COL22A1: variants seen among roughly 807,000 people sequenced by gnomAD.
The protein encoded by COL22A1 is collagen alpha-1(XXII) chain.
In COL22A1, 221 loss-of-function variants were observed where a neutral mutation model predicts 248.9. The observed-to-expected ratio is 0.89, with a 90% confidence interval of 0.80 to 0.99. The LOEUF (loss-of-function observed/expected upper bound fraction) is 0.99. Among genes scored for constraint, COL22A1 ranks in the 50% least tolerant of loss-of-function variants. COL22A1 has a pLI of 0.00. For synonymous variants in COL22A1, 891 were observed against 793.4 expected, an observed-to-expected ratio of 1.12 and a Z score of -2.07; for missense variants, 2,240 against 2,179.0, an observed-to-expected ratio of 1.03 and a Z score of -0.56.
At chr8:138,807,847 T>A in intron 9 of COL22A1, 35 bp from the exon 10 acceptor site, 1 of 1,609,806 alleles carries the variant, frequency 6.2e-7, no homozygotes, top group Non-Finnish European at 8.5e-7. Context: ...AGTAAGTTTC[T>A]ATTTTAATTT....
chr8:138,823,196 G>C (rs767834767), intron 6 of COL22A1, among the ~76,000 whole-genome samples: 1 of 152,136 alleles, frequency 6.6e-6, no homozygotes, highest in East Asian at 1.9e-4. Context: ...ATTGATCCAC[G>C]ATAATTTAAT....
At chr8:138,682,627 T>C (rs1305829285) in intron 39 of COL22A1, among the ~76,000 whole-genome samples, 1 of 152,206 alleles carries the variant, frequency 6.6e-6, no homozygotes, top group Non-Finnish European at 1.5e-5. Flanking sequence ...TTTTTCCCTG[T>C]TAATTCCCCT....
chr8:138,766,839 C>T (rs1383649120), intron 16 of COL22A1, among the ~76,000 whole-genome samples: 1 of 152,232 alleles, frequency 6.6e-6, no homozygotes, highest in East Asian at 1.9e-4. Context: ...CACACTAGGG[C>T]ACCCATGCCC....
At chr8:138,661,375 C>T (rs1187179254) in intron 43 of COL22A1, among the ~76,000 whole-genome samples, 3 of 152,188 alleles carry the variant, frequency 2.0e-5, no homozygotes, top group Non-Finnish European at 4.4e-5. Flanking sequence ...GCAATAAATA[C>T]CACTGCTTAC....
At chr8:138,688,635 C>T (rs887177521) in intron 37 of COL22A1, among the ~76,000 whole-genome samples, 1 of 152,076 alleles carries the variant, frequency 6.6e-6, no homozygotes, top group Non-Finnish European at 1.5e-5. Context: ...TCAGACAGAC[C>T]TAGCTCTGTA....
chr8:138,830,379 C>A (rs1046654629), intron 5 of COL22A1, among the ~76,000 whole-genome samples: 1 of 152,186 alleles, frequency 6.6e-6, no homozygotes, highest in African/African-American at 2.4e-5. Context: ...TTAAAAGTGA[C>A]AACTTTTCTT....
chr8:138,804,366 T>A (rs963248458), intron 10 of COL22A1, among the ~76,000 whole-genome samples: 1 of 152,176 alleles, frequency 6.6e-6, no homozygotes, highest in Admixed American at 6.5e-5. Flanking sequence ...GGTGGCTGCA[T>A]CAGTTGCCCT....
Position 138,821,294 on chromosome 8 carries a change from C to T in COL22A1, c.1087G>A (p.Asp363Asn), listed in dbSNP as rs1398004905. The T allele has an allele frequency of 6.2e-7, 1 of 1,614,056 alleles. No individual in the cohort carries two copies. The highest frequency in any genetic ancestry group is 1.3e-5 in the African/African-American group (1 of 74,906). Residue 363 changes from aspartate (D) to asparagine (N), a missense_variant, in exon 7 of 65, where the codon GAC becomes AAC. Transcript: ENST00000303045. ...GSRVNDLFDRDWHKMALSIQA... is the reference protein window; with the variant it reads ...GSRVNDLFDRNWHKMALSIQA... ...ATGCTCAGGGCCATCTTGTGCCAGTCCCGGTCAAAGAGGTCATTGACCCGA... is the reference window on the plus strand; with the variant it reads ...ATGCTCAGGGCCATCTTGTGCCAGTTCCGGTCAAAGAGGTCATTGACCCGA...
intron 41 of COL22A1, among the ~76,000 whole-genome samples, 170 bp downstream of exon 41, chr8:138,676,388 T>G (rs112348015): frequency 2.9e-5 from 1 of 34,392 alleles, no homozygotes; most frequent in East Asian, 1.1e-3. Context: ...ACTGCGAGAC[T>G]CCATCTCAAA....
At chr8:138,771,214 G>A (rs1018103268) in intron 16 of COL22A1, among the ~76,000 whole-genome samples, 1 of 152,322 alleles carries the variant, frequency 6.6e-6, no homozygotes, top group South Asian at 2.1e-4. Context: ...CTCACCAGGG[G>A]ATGATCTTCG....
intron 26 of COL22A1, 71 bp downstream of exon 26, chr8:138,721,965 A>G: frequency 2.5e-6 from 3 of 1,196,538 alleles, no homozygotes; most frequent in Non-Finnish European, 3.6e-6. Context: ...AGAATTCACC[A>G]ACAATCAAGC....
At chr8:138,885,241 C>G (rs1214667775) in intron 1 of COL22A1, among the ~76,000 whole-genome samples, 1 of 152,190 alleles carries the variant, frequency 6.6e-6, no homozygotes, top group African/African-American at 2.4e-5. Context: ...CGCCCCCACT[C>G]CACTTGACCT....
chr8:138,727,522 G>T (rs1386765148), intron 23 of COL22A1, among the ~76,000 whole-genome samples: 1 of 152,174 alleles, frequency 6.6e-6, no homozygotes, highest in Non-Finnish European at 1.5e-5. Flanking sequence ...GAGAGCCTGG[G>T]TTTGCATTCA....
intron 1 of COL22A1, among the ~76,000 whole-genome samples, chr8:138,907,945 T>C (rs1396294202): frequency 6.6e-6 from 1 of 152,178 alleles, no homozygotes; most frequent in African/African-American, 2.4e-5. Context: ...ACTGCTGCAA[T>C]GGGGATGAAG....
intron 16 of COL22A1, among the ~76,000 whole-genome samples, chr8:138,772,497 T>TA (rs1187422402): frequency 6.6e-6 from 1 of 151,924 alleles, no homozygotes; most frequent in Non-Finnish European, 1.5e-5. Context: ...AAAGCGTATT[T>TA]AAAAAAAAGA....
At chr8:138,761,470 A>G (rs549378927) in intron 17 of COL22A1, among the ~76,000 whole-genome samples, 2 of 152,302 alleles carry the variant, frequency 1.3e-5, no homozygotes, top group South Asian at 4.1e-4. Context: ...TTACCTGACA[A>G]TAAATACAAA....
chr8:138,610,414 T>C (rs1434600510), intron 56 of COL22A1, among the ~76,000 whole-genome samples: 4 of 152,238 alleles, frequency 2.6e-5, no homozygotes, highest in Non-Finnish European at 4.4e-5. Context: ...ACATATTCAA[T>C]GTCTAGTTCA....
chr8:138,617,530 G>C (rs1819437685), intron 53 of COL22A1, among the ~76,000 whole-genome samples: 1 of 152,164 alleles, frequency 6.6e-6, no homozygotes, highest in African/African-American at 2.4e-5. Context: ...CAGAGTTTCA[G>C]GCCCTGTGAG....
intron 58 of COL22A1, among the ~76,000 whole-genome samples, chr8:138,605,146 C>A (rs756975872): frequency 7.2e-5 from 11 of 152,204 alleles, no homozygotes; most frequent in Admixed American, 5.9e-4. Context: ...AGGTTCAATT[C>A]TTGGCTCCTC....
Sources: gnomAD v4.1 joint callset for allele counts (sites outside exome capture counted in the v4.1 genomes callset) on GRCh38, gnomAD v4.1.1 for gene constraint, MANE v1.5 for transcripts, NCBI Gene and HGNC (gene_info 2026-07-23, HGNC 2026-07-21) for gene names.